The following TSPEAR variants were observed in gnomAD, a reference collection of about 807,000 sequenced individuals.
TSPEAR encodes thrombospondin type laminin G domain and EAR repeats, also known as thrombospondin-type laminin G domain and EAR repeat-containing protein.
TSPEAR carries 69 observed loss-of-function variants against 71.6 expected under a neutral mutation model. The observed-to-expected ratio is 0.96, with a 90% CI of 0.79 to 1.18. TSPEAR has a LOEUF of 1.18. Ranked by LOEUF, TSPEAR falls within the 50% of genes most tolerant of loss-of-function variation. TSPEAR has a pLI of 0.00. For missense variants in TSPEAR, 971 were observed against 894.9 expected, an observed-to-expected ratio of 1.09 and a Z score of -1.09; for synonymous variants, 402 against 387.2, an observed-to-expected ratio of 1.04 and a Z score of -0.45.
At chr21:44,627,151 T>C (rs1555934526) in intron 1 of TSPEAR, 1 of 1,605,258 alleles carries the variant, frequency 6.2e-7, no homozygotes, top group Admixed American at 1.7e-5. Flanking sequence ...CTCCCCCAGC[T>C]CACCTCCTCC....
chr21:44,601,439 C>T, intron 1 of TSPEAR: 6 of 1,611,340 alleles, frequency 3.7e-6, no homozygotes, highest in Non-Finnish European at 4.2e-6. Context: ...TGCTGTAAGC[C>T]TGTGTGCTGT....
At chr21:44,640,317 T>C (rs1181448143) in intron 1 of TSPEAR, among the ~76,000 whole-genome samples, 1 of 152,192 alleles carries the variant, frequency 6.6e-6, no homozygotes, top group African/African-American at 2.4e-5. Context: ...GGGATTCTAT[T>C]TGTATGAAAG....
intron 2 of TSPEAR, among the ~76,000 whole-genome samples, chr21:44,537,935 A>G (rs2053116984): frequency 2.0e-5 from 3 of 152,228 alleles, no homozygotes; most frequent in Admixed American, 2.0e-4. Context: ...GGGAGCTGAG[A>G]GCAGATCAGG....
intron 9 of TSPEAR, among the ~76,000 whole-genome samples, chr21:44,515,080 C>T (rs1266867143): frequency 1.3e-5 from 2 of 152,220 alleles, no homozygotes; most frequent in East Asian, 1.9e-4. Flanking sequence ...GGCACACACC[C>T]ACTTTCAAAG....
At chr21:44,573,393 C>A (rs9976331) in intron 1 of TSPEAR, among the ~76,000 whole-genome samples, 1 of 152,098 alleles carries the variant, frequency 6.6e-6, no homozygotes, top group East Asian at 1.9e-4. Context: ...GGCACCCACT[C>A]CCCATAGCCC....
At chr21:44,602,001 GC>G (rs1980967773) in intron 1 of TSPEAR, 1 of 583,948 alleles carries the variant, frequency 1.7e-6, no homozygotes, top group Non-Finnish European at 3.1e-6. Flanking sequence ...CCAGGCCATA[GC>G]CCGGTGTGGG....
rs1386601827 is a variant in TSPEAR, at chr21:44,710,104, G to T, written c.82+1329C>A. 1.3e-5 allele frequency among the ~76,000 whole-genome samples: 2 copies of T among 151,726 alleles called. No homozygotes were observed. Among genetic ancestry groups the T allele is most frequent in the Admixed American group, 6.6e-5 (1 of 15,254 alleles). ...CACCCCCACTCCAGGGTGTGCTGAG[G>T]AGTCTCTCAGCTGCCCCGGGGTCCT... On this transcript the variant is annotated intron_variant, in intron 1 of 11. Coordinates refer to ENST00000323084, the MANE Select transcript of TSPEAR (RefSeq NM_144991.3). This position sits in a 1 kb window ranked among gnomAD's most constrained non-coding sequence, Gnocchi z 4.6.
chr21:44,688,588 C>T (rs1366784066), intron 1 of TSPEAR, among the ~76,000 whole-genome samples: 2 of 152,132 alleles, frequency 1.3e-5, no homozygotes, highest in Non-Finnish European at 2.9e-5. Flanking sequence ...GGTATGGTGG[C>T]GGGCGCCTGT....
chr21:44,528,994 C>G (rs1284013468), intron 5 of TSPEAR, among the ~76,000 whole-genome samples: 2 of 152,210 alleles, frequency 1.3e-5, no homozygotes, highest in Admixed American at 6.5e-5. Context: ...CTCATCACTT[C>G]CAGTAATCAC....
At chr21:44,515,571 A>C (rs2052540308) in intron 9 of TSPEAR, 1 of 152,258 alleles carries the variant, frequency 6.6e-6, no homozygotes, top group Non-Finnish European at 1.5e-5. Flanking sequence ...CGGTGGTTCC[A>C]TTTCTGCCCC....
chr21:44,708,163 G>A (rs1988038251), intron 1 of TSPEAR, among the ~76,000 whole-genome samples: 1 of 152,272 alleles, frequency 6.6e-6, no homozygotes, highest in African/African-American at 2.4e-5. Flanking sequence ...GGGGTAACAG[G>A]CTGGAGCTCA....
chr21:44,577,157 C>A (rs1978511935), intron 1 of TSPEAR, among the ~76,000 whole-genome samples: 1 of 152,142 alleles, frequency 6.6e-6, no homozygotes, highest in Non-Finnish European at 1.5e-5. Flanking sequence ...GAGGAAAATG[C>A]ATAGTAATTT....
chr21:44,518,164 A>G (rs186170946), intron 9 of TSPEAR: 1 of 372,892 alleles, frequency 2.7e-6, no homozygotes, highest in East Asian at 7.5e-5. Context: ...CATCTTGAAT[A>G]CTTCTGAAGA....
At chr21:44,665,950 G>A (rs1985729890) in intron 1 of TSPEAR, among the ~76,000 whole-genome samples, 1 of 152,200 alleles carries the variant, frequency 6.6e-6, no homozygotes, top group Admixed American at 6.5e-5. Flanking sequence ...CAGTGGGGAA[G>A]CGAGACCACT....
At chr21:44,608,418 A>T (rs983647021) in intron 1 of TSPEAR, among the ~76,000 whole-genome samples, 4 of 152,226 alleles carry the variant, frequency 2.6e-5, no homozygotes, top group Non-Finnish European at 5.9e-5. Flanking sequence ...TCACACGTGG[A>T]CGTTGGCAAA....
intron 1 of TSPEAR, among the ~76,000 whole-genome samples, chr21:44,572,286 A>C (rs1197288310): frequency 1.3e-5 from 2 of 152,174 alleles, no homozygotes; most frequent in Non-Finnish European, 2.9e-5. Flanking sequence ...TGGGGTCCTG[A>C]GCAGGACCCA....
chr21:44,682,092 T>TGGCA (rs1555948153), intron 1 of TSPEAR: 1 of 1,613,886 alleles, frequency 6.2e-7, no homozygotes, highest in African/African-American at 1.3e-5. Flanking sequence ...GCAGGCTGGC[T>TGGCA]GGCAGCCCGA....
At chr21:44,677,418 A>C in intron 1 of TSPEAR, 1 of 1,018,064 alleles carries the variant, frequency 9.8e-7, no homozygotes, top group Non-Finnish European at 1.6e-6. Context: ...AATCGCCTGC[A>C]GAGTGACATT....
chr21:44,621,801 G>C (rs4818944), intron 1 of TSPEAR, among the ~76,000 whole-genome samples: 5 of 152,124 alleles, frequency 3.3e-5, no homozygotes, highest in Non-Finnish European at 5.9e-5. Context: ...AATCAATATG[G>C]GATATTTGTA....
Sources: gnomAD v4.1 joint callset for allele counts (sites outside exome capture counted in the v4.1 genomes callset) on GRCh38, gnomAD v4.1.1 for gene constraint, Gnocchi (gnomAD v3.1) non-coding constraint, MANE v1.5 for transcripts, NCBI Gene and HGNC (gene_info 2026-07-23, HGNC 2026-07-21) for gene names.